CSMD1: variants seen among roughly 807,000 people sequenced by gnomAD.
CSMD1 encodes the protein CUB and sushi domain-containing protein 1.
In CSMD1, 213 loss-of-function variants were observed where a neutral mutation model predicts 417.5. That is an observed-to-expected ratio of 0.51 (90% confidence interval 0.46 to 0.57). The LOEUF is 0.57. CSMD1 is among the 20% of genes least tolerant of loss of function. CSMD1 has a pLI of 0.00. For synonymous variants in CSMD1, 2,862 were observed against 1,736.8 expected (o/e 1.65, Z -16.11); for missense variants, 6,923 against 4,529.7 (o/e 1.53, Z -15.17).
chr8:3,023,097 A>C (rs1809576780), intron 51 of CSMD1, among the ~76,000 whole-genome samples: 1 of 152,232 alleles, frequency 6.6e-6, no homozygotes, highest in African/African-American at 2.4e-5. Context: ...AATGACAATG[A>C]CTACGCTGTG....
intron 2 of CSMD1, among the ~76,000 whole-genome samples, chr8:4,605,167 A>G (rs939045274): frequency 1.3e-5 from 2 of 152,244 alleles, no homozygotes; most frequent in Non-Finnish European, 2.9e-5. Context: ...CAAAAAAGAC[A>G]GAACAACTTC....
At chr8:4,176,455 T>A (rs1000005489) in intron 3 of CSMD1, among the ~76,000 whole-genome samples, 1 of 152,132 alleles carries the variant, frequency 6.6e-6, no homozygotes, top group African/African-American at 2.4e-5. Context: ...CCTTTTTGAT[T>A]ATTTTCTCAT....
intron 5 of CSMD1, among the ~76,000 whole-genome samples, chr8:3,799,301 G>T (rs920987547): frequency 1.3e-5 from 2 of 151,140 alleles, no homozygotes; most frequent in Non-Finnish European, 2.9e-5. Context: ...CAATGTGCAG[G>T]TTTGTTACAT....
chr8:3,671,452 TATA>T (rs1180269822), intron 7 of CSMD1, among the ~76,000 whole-genome samples: 1 of 143,686 alleles, frequency 7.0e-6, no homozygotes, highest in Non-Finnish European at 1.5e-5. Context: ...TAATCATATA[TATA>T]ATCATACACA....
chr8:3,763,136 C>A (rs541488349), intron 5 of CSMD1, among the ~76,000 whole-genome samples: 1 of 152,188 alleles, frequency 6.6e-6, no homozygotes, highest in Non-Finnish European at 1.5e-5. Flanking sequence ...TGCACATTGG[C>A]TGAATAAGCC....
rs545447357 is a variant in CSMD1 at position 4,223,529 on chromosome 8, G to T, written c.416-191430C>A. 3.3e-5 allele frequency among the ~76,000 whole-genome samples: 5 copies of T among 152,222 alleles called. No individual in the cohort carries two copies. In the East Asian group the frequency reaches 5.8e-4, roughly 18 times the overall value. ...GGCGTAATCTACCACACCACTGCTC[G>T]TTAATAACCACCAGGAGAGCTGGCC... On this transcript the variant is annotated intron_variant, in intron 3 of 69. Transcript: ENST00000635120.
chr8:4,127,498 C>T (rs1465718721), intron 3 of CSMD1, among the ~76,000 whole-genome samples: 1 of 145,140 alleles, frequency 6.9e-6, no homozygotes, highest in African/African-American at 2.5e-5. Context: ...TAAAAACTAA[C>T]TTCAACTGCA....
At chr8:3,495,020 AT>A (rs879570423) in intron 10 of CSMD1, among the ~76,000 whole-genome samples, 7 of 152,162 alleles carry the variant, frequency 4.6e-5, no homozygotes, top group Non-Finnish European at 1.0e-4. Flanking sequence ...GCTACTTGAA[AT>A]TCTTACTAAA....
chr8:3,186,749 TAG>T (rs1196082255), intron 36 of CSMD1, among the ~76,000 whole-genome samples: 1 of 152,210 alleles, frequency 6.6e-6, no homozygotes, highest in African/African-American at 2.4e-5. Context: ...ACAAATGGGA[TAG>T]AAGGAGTCAG....
chr8:3,346,174 G>A (rs929906302), intron 22 of CSMD1, among the ~76,000 whole-genome samples: 6 of 152,072 alleles, frequency 3.9e-5, no homozygotes, highest in Admixed American at 3.9e-4. Context: ...ATGACTGACA[G>A]CTTCTCTGTA....
chr8:3,075,911 C>T lies in CSMD1; in HGVS notation c.7474+11186G>A, dbSNP rs369761192. On this transcript the variant is annotated intron_variant, in intron 49 of 69. Coordinates refer to ENST00000635120, the MANE Select transcript of CSMD1 (RefSeq NM_033225.6). ...AAAAAAAAAAAAAAAATTAGCCGGG[C>T]GTGGTGGCGGGCGCCTGTAGTCCCA... Among the ~76,000 whole-genome samples, 343 of 150,546 alleles carry T rather than the reference C, an allele frequency of 2.3e-3. 2 individuals carry two copies. The highest frequency in any genetic ancestry group is 7.8e-3 in the African/African-American group (320 of 40,906).
At chr8:3,620,437 T>G (rs1308254977) in intron 7 of CSMD1, among the ~76,000 whole-genome samples, 1 of 152,154 alleles carries the variant, frequency 6.6e-6, no homozygotes, top group East Asian at 1.9e-4. Context: ...CCTACAGTAT[T>G]TAAAGATAAA....
intron 8 of CSMD1, among the ~76,000 whole-genome samples, chr8:3,599,163 C>CTGTGTGTGTG (rs965499661): frequency 1.3e-4 from 17 of 126,802 alleles, no homozygotes; most frequent in African/African-American, 4.9e-4. Context: ...GTGTGTGTGT[C>CTGTGTGTGTG]TGTGTGTGTG....
intron 5 of CSMD1, among the ~76,000 whole-genome samples, chr8:3,996,296 G>C (rs1280206157): frequency 6.6e-6 from 1 of 152,104 alleles, no homozygotes; most frequent in African/African-American, 2.4e-5. Flanking sequence ...TAACTTCTGA[G>C]AATGAGTCCC....
intron 1 of CSMD1, among the ~76,000 whole-genome samples, chr8:4,923,381 G>A (rs13271435): frequency 0.25 from 37,951 of 152,018 alleles, 6,029 homozygotes; most frequent in Non-Finnish European, 0.36. Flanking sequence ...AATAAAGAGT[G>A]TAACTGGATT....
At chr8:4,626,055 G>A (rs921958070) in intron 2 of CSMD1, among the ~76,000 whole-genome samples, 4 of 152,086 alleles carry the variant, frequency 2.6e-5, no homozygotes, top group African/African-American at 7.2e-5. Context: ...GGACTATCAC[G>A]GACTTGTAAG....
chr8:3,852,734 T>A (rs1804002495), intron 5 of CSMD1, among the ~76,000 whole-genome samples: 1 of 151,984 alleles, frequency 6.6e-6, no homozygotes, highest in Admixed American at 6.5e-5. Flanking sequence ...GAGGGTCAGG[T>A]AAGCGTCTGC....
At chr8:4,637,210 G>C (rs976990504) in intron 2 of CSMD1, 132 bp downstream of exon 2, 2 of 669,014 alleles carry the variant, frequency 3.0e-6, no homozygotes, top group African/African-American at 2.0e-5. Context: ...CATTCTTGAA[G>C]TCAGCGAGGC....
intron 3 of CSMD1, among the ~76,000 whole-genome samples, chr8:4,082,070 T>G (rs188014699): frequency 3.1e-4 from 47 of 152,254 alleles, no homozygotes; most frequent in African/African-American, 1.1e-3. Flanking sequence ...GAAAGATTAA[T>G]TGATGAAGAT....
Sources: gnomAD v4.1 joint callset for allele counts (sites outside exome capture counted in the v4.1 genomes callset) on GRCh38, gnomAD v4.1.1 for gene constraint, MANE v1.5 for transcripts, NCBI Gene and HGNC (gene_info 2026-07-23, HGNC 2026-07-21) for gene names.